Variants in SCARA3 observed in about 807,000 individuals in gnomAD.
The protein encoded by SCARA3 is scavenger receptor class A member 3.
SCARA3 carries 39 observed loss-of-function variants against 47.0 expected under a neutral mutation model. The observed-to-expected ratio is 0.83, with a 90% CI of 0.64 to 1.08. The LOEUF (loss-of-function observed/expected upper bound fraction) is 1.08, where lower values mean the gene tolerates loss of function less well. SCARA3 is among the 50% of genes least tolerant of loss of function. The pLI is 0.00. For synonymous variants in SCARA3, 356 were observed against 334.1 expected (o/e 1.07, Z -0.71); for missense variants, 724 against 792.3 (o/e 0.91, Z 1.04).
the SCARA3 span, among the ~76,000 whole-genome samples, chr8:27,717,979 G>A: frequency 6.6e-6 from 1 of 152,086 alleles, no homozygotes; most frequent in Non-Finnish European, 1.5e-5. Flanking sequence ...ACTCCCAGGT[G>A]GTATTATTAC....
chr8:27,639,185 C>T (rs1801327695), intron 1 of SCARA3, among the ~76,000 whole-genome samples: 1 of 152,188 alleles, frequency 6.6e-6, no homozygotes, highest in Non-Finnish European at 1.5e-5. Context: ...ACTTTTCAGT[C>T]AGCCAACATG....
intron 5 of SCARA3, among the ~76,000 whole-genome samples, chr8:27,668,366 C>A (rs1237162967): frequency 2.0e-5 from 3 of 150,616 alleles, no homozygotes; most frequent in African/African-American, 7.3e-5. Flanking sequence ...AGGTGAAACC[C>A]CGTCTCTACT....
At position 27,649,763 on chromosome 8, in the gene SCARA3, C is replaced by T. The variant is rs550326888; in HGVS notation, c.69C>T (p.Asp23=). Residue 23 remains aspartate, a synonymous_variant, in exon 2 of 6, where the codon GAC becomes GAT. Coordinates refer to ENST00000301904, the MANE Select transcript of SCARA3 (RefSeq NM_016240.3). ...TTACAGAAGAGGACCTGGCGGGTGACGACGAGGACATGCCGACCTTCCCAT... is the reference window on the plus strand; with the variant it reads ...TTACAGAAGAGGACCTGGCGGGTGATGACGAGGACATGCCGACCTTCCCAT... ...LCVTEEDLAG[D]DEDMPTFPCT... 9.3e-6 allele frequency: 15 copies of T among 1,614,076 alleles called. No homozygotes were observed. The South Asian group carries it at 1.1e-4, about 12-fold the overall frequency.
the SCARA3 span, among the ~76,000 whole-genome samples, chr8:27,722,015 G>C: frequency 6.6e-6 from 1 of 152,180 alleles, no homozygotes; most frequent in Admixed American, 6.5e-5. Flanking sequence ...CTTGAGCCTG[G>C]GAGGTCAAGG....
intron 3 of SCARA3, among the ~76,000 whole-genome samples, chr8:27,656,393 A>G (rs541825523): frequency 6.6e-6 from 1 of 152,338 alleles, no homozygotes; most frequent in African/African-American, 2.4e-5. Flanking sequence ...AGAGGGGAAC[A>G]CTGTATATAT....
In SCARA3 at chr8:27,672,511, C is replaced by G; in HGVS notation, c.*1160C>G. ...CAACCCCTTGCAACAGGGCAGCTCT[C>G]GCCTCCCGCACACGGCTCTCCTGAT... On this transcript the variant is annotated 3_prime_UTR_variant, in exon 6 of 6. Transcript: ENST00000301904. 1 of 985,766 alleles carries G rather than the reference C, an allele frequency of 1.0e-6. No homozygotes were observed. The highest frequency in any genetic ancestry group is 1.2e-6 in the Non-Finnish European group (1 of 830,194). The allele number at this position is 985,766 out of a possible 1,614,324, so 61.1% of individuals were successfully genotyped here. A position where few individuals can be genotyped will look rare whatever the true frequency, so the allele number is the denominator to read the frequency against.
At chr8:27,668,788 A>C (rs1802077582) in intron 5 of SCARA3, among the ~76,000 whole-genome samples, 1 of 152,178 alleles carries the variant, frequency 6.6e-6, no homozygotes, top group Non-Finnish European at 1.5e-5. Context: ...GCAGTGAGCT[A>C]TGATTGTGCC....
the SCARA3 span, among the ~76,000 whole-genome samples, chr8:27,698,709 A>T: frequency 5.9e-5 from 9 of 152,208 alleles, no homozygotes; most frequent in South Asian, 2.1e-4. Flanking sequence ...GCATCTCTAT[A>T]TACTAGGAGC....
chr8:27,641,879 A>C (rs1801389089), intron 1 of SCARA3, among the ~76,000 whole-genome samples: 1 of 152,210 alleles, frequency 6.6e-6, no homozygotes, highest in Non-Finnish European at 1.5e-5. Flanking sequence ...GAATTCATCC[A>C]ATCCAGGTGA....
At chr8:27,685,215 C>A in the SCARA3 span, among the ~76,000 whole-genome samples, 1 of 152,188 alleles carries the variant, frequency 6.6e-6, no homozygotes, top group East Asian at 1.9e-4. Flanking sequence ...ATGAAACAAA[C>A]AAATTCATAG....
intron 5 of SCARA3, among the ~76,000 whole-genome samples, chr8:27,669,412 C>G (rs1274802133): frequency 1.3e-5 from 2 of 152,214 alleles, no homozygotes; most frequent in Non-Finnish European, 2.9e-5. Flanking sequence ...TGTGCTGGTT[C>G]CCTGCAGGTC....
chr8:27,712,562 C>CAAAAA, the SCARA3 span, among the ~76,000 whole-genome samples: 2 of 107,222 alleles, frequency 1.9e-5, no homozygotes, highest in African/African-American at 3.7e-5. Context: ...GACTCCGTCT[C>CAAAAA]AAAAAAAAAA....
At chr8:27,706,178 G>A in the SCARA3 span, among the ~76,000 whole-genome samples, 1 of 152,142 alleles carries the variant, frequency 6.6e-6, no homozygotes, top group African/African-American at 2.4e-5. Context: ...TTGAGACAGA[G>A]TCTTGCTCTG....
At chr8:27,652,887 C>T (rs898034001) in intron 3 of SCARA3, among the ~76,000 whole-genome samples, 2 of 152,142 alleles carry the variant, frequency 1.3e-5, no homozygotes, top group Non-Finnish European at 2.9e-5. Flanking sequence ...TGGGTAGGAC[C>T]CAGGCCTTAG....
the SCARA3 span, among the ~76,000 whole-genome samples, chr8:27,709,990 G>A: frequency 1.3e-5 from 2 of 152,136 alleles, no homozygotes; most frequent in African/African-American, 4.8e-5. Flanking sequence ...CAGCACTTTG[G>A]GAGGCTAAGG....
chr8:27,705,752 A>C, the SCARA3 span, among the ~76,000 whole-genome samples: 1 of 152,242 alleles, frequency 6.6e-6, no homozygotes, highest in East Asian at 1.9e-4. Flanking sequence ...ACAAGCAAAA[A>C]GGTTCTTCTA....
chr8:27,649,733 G>C lies in SCARA3; in HGVS notation c.39G>C (p.Leu13Phe), dbSNP rs1341218894. 3.7e-6 allele frequency: 6 copies of C among 1,614,170 alleles called. No individual in the cohort carries two copies. The highest frequency in any genetic ancestry group is 5.1e-6 in the Non-Finnish European group (6 of 1,180,036). The change falls in exon 2 of 6, where the codon TTG (leucine) becomes TTC (phenylalanine). Residue 13 changes from leucine to phenylalanine, a missense_variant. By Grantham distance (22) the Leu-to-Phe change is conservative (BLOSUM62 0). Coordinates refer to ENST00000301904, the MANE Select transcript of SCARA3 (RefSeq NM_016240.3). ...CGGCCGGCGGCGATGGAGATGCCTT[G>C]TGCGTTACAGAAGAGGACCTGGCGG... is the stretch of plus-strand genomic sequence containing the variant. ...VRSAGGDGDA[L>F]CVTEEDLAGD...
chr8:27,691,805 G>C, the SCARA3 span, among the ~76,000 whole-genome samples: 1 of 151,998 alleles, frequency 6.6e-6, no homozygotes, highest in Non-Finnish European at 1.5e-5. Flanking sequence ...TCATTCACCA[G>C]TGCCTGATCA....
chr8:27,693,375 T>G, the SCARA3 span, among the ~76,000 whole-genome samples: 3 of 152,156 alleles, frequency 2.0e-5, no homozygotes, highest in African/African-American at 7.2e-5. Context: ...TCAGAATAAA[T>G]ATCTTCAAAT....
Sources: gnomAD v4.1 joint callset for allele counts (sites outside exome capture counted in the v4.1 genomes callset) on GRCh38, gnomAD v4.1.1 for gene constraint, MANE v1.5 for transcripts, NCBI Gene and HGNC (gene_info 2026-07-23, HGNC 2026-07-21) for gene names.